Variants in GSE1 observed in about 807,000 individuals in gnomAD.
GSE1 encodes genetic suppressor element 1.
A neutral mutation model predicts 112.6 loss-of-function variants in GSE1; 32 were observed. That is an observed-to-expected ratio of 0.28 (90% CI 0.21 to 0.38). The LOEUF (loss-of-function observed/expected upper bound fraction) is 0.38, where lower values mean the gene tolerates loss of function less well. GSE1 is among the 10% of genes least tolerant of loss of function. The pLI, the probability that GSE1 is intolerant of heterozygous loss-of-function variation, is 1.00. For missense variants in GSE1, 2,348 were observed against 1,699.2 expected (o/e 1.38, Z -6.71); for synonymous variants, 1,115 against 735.6 (o/e 1.52, Z -8.35).
At chr16:85,423,308 C>T (rs1017895825) in intron 2 of GSE1, among the ~76,000 whole-genome samples, 3 of 152,232 alleles carry the variant, frequency 2.0e-5, no homozygotes, top group South Asian at 2.1e-4. Flanking sequence ...AGGCTCCAGC[C>T]GGAGATGTCC....
upstream of GSE1, among the ~76,000 whole-genome samples, chr16:85,553,641 C>A (rs1277833654): frequency 6.6e-6 from 1 of 152,082 alleles, no homozygotes; most frequent in Non-Finnish European, 1.5e-5. Context: ...CCGCAGCCAC[C>A]GAGCTGCTGG....
In GSE1 at chr16:85,199,723, A is replaced by G. The variant is rs143645862; in HGVS notation, c.2283+27916A>G. Among the ~76,000 whole-genome samples, 171 of 152,120 alleles carry G rather than the reference A, an allele frequency of 1.1e-3. 2 individuals are homozygous for G. The East Asian group carries it at 0.031, about 28-fold the overall frequency. ...GAGCTCAGGATCCAAAAAGGATGAC[A>G]TTGGGACATTCTATTCAGAAGGTAT... On this transcript the variant is annotated intron_variant, in intron 1 of 2. Transcript: ENST00000637419.
At chr16:85,663,807 G>A (rs1598675975) in intron 11 of GSE1, among the ~76,000 whole-genome samples, 193 bp downstream of exon 11, 2 of 152,342 alleles carry the variant, frequency 1.3e-5, no homozygotes, top group East Asian at 3.9e-4. Flanking sequence ...TACCTGACAG[G>A]CTTTGCTCTG....
At chr16:85,274,160 T>G (rs1274919474) in intron 1 of GSE1, among the ~76,000 whole-genome samples, 1 of 150,828 alleles carries the variant, frequency 6.6e-6, no homozygotes. Context: ...CTGAAGCGGC[T>G]GGATCACGAG....
chr16:85,170,144 G>T lies in GSE1; in HGVS notation c.620G>T (p.Gly207Val), dbSNP rs960342335. Residue 207 changes from glycine (G) to valine (V), a missense_variant, in exon 1 of 3, where the codon GGG becomes GTG. Gly to Val is a moderately radical substitution (Grantham distance 109). Transcript: ENST00000637419. ...GGGGCCCCAGGGCCAGGGCCTCGCGGGGGGCGCGGCCAGGAGTGGAGGCCG... is the reference window on the plus strand; with the variant it reads ...GGGGCCCCAGGGCCAGGGCCTCGCGTGGGGCGCGGCCAGGAGTGGAGGCCG... The T allele has an allele frequency of 1.3e-5, 13 of 985,242 alleles. No individual in the cohort carries two copies. In the African/African-American group the frequency reaches 1.9e-4, roughly 15 times the overall value. 61.0% of individuals were successfully genotyped at this position (985,242 alleles called of 1,614,324 possible).
chr16:85,178,164 AGCCTAT>A (rs2074506428), intron 1 of GSE1, among the ~76,000 whole-genome samples: 1 of 152,122 alleles, frequency 6.6e-6, no homozygotes, highest in Non-Finnish European at 1.5e-5. Flanking sequence ...GTCTGCTGAG[AGCCTAT>A]GGCAGGGTGA....
chr16:85,290,961 G>A (rs2086829), intron 1 of GSE1, among the ~76,000 whole-genome samples: 57,638 of 152,102 alleles, frequency 0.38, 11,322 homozygotes, highest in Admixed American at 0.46. Flanking sequence ...GGAAGTGCCC[G>A]TTCTCAGTGT....
At position 85,273,770 on chromosome 16, in the gene GSE1, A is replaced by C. The variant is rs185476055; in HGVS notation, c.2284-83693A>C. ...AGTGGTGCGATCTCGGCTCACTGCAACCTCTGCCTCCTGGGTTCAAGTGAT... is the reference window on the plus strand; with the variant it reads ...AGTGGTGCGATCTCGGCTCACTGCACCCTCTGCCTCCTGGGTTCAAGTGAT... On this transcript the variant is annotated intron_variant, in intron 1 of 2. Transcript: ENST00000637419. 2.3e-4 allele frequency among the ~76,000 whole-genome samples: 35 copies of C among 151,078 alleles called. No individual in the cohort carries two copies. In the East Asian group the frequency reaches 6.9e-3, roughly 30 times the overall value.
intron 2 of GSE1, among the ~76,000 whole-genome samples, chr16:85,483,413 G>A (rs907222091): frequency 3.3e-5 from 5 of 152,246 alleles, no homozygotes; most frequent in Admixed American, 1.3e-4. Flanking sequence ...CTGTGCCTCA[G>A]TTTCCCCACC....
intron 1 of GSE1, among the ~76,000 whole-genome samples, chr16:85,234,171 T>C (rs1045051048): frequency 6.6e-6 from 1 of 152,106 alleles, no homozygotes; most frequent in Non-Finnish European, 1.5e-5. Flanking sequence ...GCCAGGAAGG[T>C]ATCCACTCCC....
At chr16:85,242,798 T>A (rs1004187205) in intron 1 of GSE1, among the ~76,000 whole-genome samples, 14 of 152,192 alleles carry the variant, frequency 9.2e-5, no homozygotes, top group African/African-American at 2.2e-4. Context: ...CTGTTTTATT[T>A]AATTAAATTA....
intron 1 of GSE1, among the ~76,000 whole-genome samples, chr16:85,353,878 C>T (rs1229673000): frequency 6.6e-6 from 1 of 152,220 alleles, no homozygotes; most frequent in Admixed American, 6.5e-5. Context: ...TGTCCTAGAC[C>T]ACGAGCCCCT....
chr16:85,637,390 G>T (rs534909192), intron 2 of GSE1, among the ~76,000 whole-genome samples: 1 of 152,228 alleles, frequency 6.6e-6, no homozygotes, highest in Non-Finnish European at 1.5e-5. Flanking sequence ...CCACGAACCC[G>T]CAGCTGCCTT....
intron 2 of GSE1, among the ~76,000 whole-genome samples, chr16:85,645,491 C>G (rs4531756): frequency 1.3e-5 from 2 of 152,086 alleles, no homozygotes; most frequent in Non-Finnish European, 2.9e-5. Flanking sequence ...GACTTGCCCT[C>G]GGGACAGGGC....
chr16:85,449,758 G>GGA (rs1465728028), intron 2 of GSE1, among the ~76,000 whole-genome samples: 1 of 152,224 alleles, frequency 6.6e-6, no homozygotes, highest in Non-Finnish European at 1.5e-5. Flanking sequence ...GTGTGACTTT[G>GGA]GAGAGATCGC....
At chr16:85,188,377 C>G (rs1330067249) in intron 1 of GSE1, among the ~76,000 whole-genome samples, 1 of 152,198 alleles carries the variant, frequency 6.6e-6, no homozygotes, top group Non-Finnish European at 1.5e-5. Flanking sequence ...GCTCTTATTA[C>G]TTTTGCTATT....
chr16:85,297,225 G>T (rs968946169), intron 1 of GSE1, among the ~76,000 whole-genome samples: 1 of 152,254 alleles, frequency 6.6e-6, no homozygotes. Context: ...CGGAGCATCT[G>T]TACAGAAGCT....
intron 1 of GSE1, among the ~76,000 whole-genome samples, chr16:85,353,221 G>T (rs1046495539): frequency 6.6e-6 from 1 of 152,098 alleles, no homozygotes; most frequent in Admixed American, 6.6e-5. Flanking sequence ...CTGGGGACTC[G>T]ACCGGGGAAG....
At chr16:85,316,460 C>G (rs1033881563) in intron 1 of GSE1, among the ~76,000 whole-genome samples, 7 of 152,216 alleles carry the variant, frequency 4.6e-5, no homozygotes, top group Non-Finnish European at 1.0e-4. Context: ...TGCACCCACA[C>G]CTCCCAGCCA....
Sources: gnomAD v4.1 joint callset for allele counts (sites outside exome capture counted in the v4.1 genomes callset) on GRCh38, gnomAD v4.1.1 for gene constraint, MANE v1.5 for transcripts, NCBI Gene and HGNC (gene_info 2026-07-23, HGNC 2026-07-21) for gene names.